The following LSAMP variants were observed in gnomAD, a reference collection of about 807,000 sequenced individuals.
The protein encoded by LSAMP is limbic system-associated membrane protein.
Under a neutral mutation model 38.6 loss-of-function variants are expected in LSAMP, and 7 were observed. The observed-to-expected ratio is 0.18, with a 90% CI of 0.10 to 0.34. The LOEUF is 0.34. Ranked by LOEUF, LSAMP falls within the 10% of genes least tolerant of loss-of-function variation. The pLI is 1.00. For synonymous variants in LSAMP, 154 were observed against 166.8 expected, an observed-to-expected ratio of 0.92 and a Z score of 0.59; for missense variants, 313 against 420.0, an observed-to-expected ratio of 0.75 and a Z score of 2.23.
chr3:116,060,674 C>A (rs147664816), intron 2 of LSAMP, among the ~76,000 whole-genome samples: 1 of 152,072 alleles, frequency 6.6e-6, no homozygotes, highest in South Asian at 2.1e-4. Context: ...GCAGGAGAAT[C>A]GCTTGAATCT....
chr3:116,273,745 T>C (rs1468330225), intron 1 of LSAMP, among the ~76,000 whole-genome samples: 1 of 127,482 alleles, frequency 7.8e-6, no homozygotes, highest in Admixed American at 7.9e-5. Flanking sequence ...TACATATGTA[T>C]ATATATATAA....
At chr3:115,916,437 G>C (rs541328813) in intron 3 of LSAMP, among the ~76,000 whole-genome samples, 1 of 152,288 alleles carries the variant, frequency 6.6e-6, no homozygotes, top group East Asian at 1.9e-4. Context: ...TCATTTAACA[G>C]ATCTTAACTG....
chr3:116,262,610 T>C (rs2046838417), intron 1 of LSAMP, among the ~76,000 whole-genome samples: 1 of 152,138 alleles, frequency 6.6e-6, no homozygotes, highest in African/African-American at 2.4e-5. Context: ...CAAGCACTTA[T>C]GGGTGTACGT....
intron 1 of LSAMP, among the ~76,000 whole-genome samples, chr3:116,274,372 A>G (rs1335282404): frequency 6.6e-6 from 1 of 152,236 alleles, no homozygotes; most frequent in African/African-American, 2.4e-5. Flanking sequence ...AAAAGAAACA[A>G]TGCTCATAAA....
At chr3:116,412,631 G>A (rs570925061) in intron 1 of LSAMP, among the ~76,000 whole-genome samples, 38 of 152,172 alleles carry the variant, frequency 2.5e-4, no homozygotes, top group African/African-American at 8.9e-4. Context: ...AGCTTGGGTC[G>A]AAGAAAGCTG....
Position 115,852,137 on chromosome 3 carries a change from G to A in LSAMP, c.649+346C>T, listed in dbSNP as rs892694294. Among the ~76,000 whole-genome samples, 8 of 152,160 alleles carry A rather than the reference G, an allele frequency of 5.3e-5. No individual in the cohort carries two copies. The East Asian group carries it at 1.5e-3, about 29-fold the overall frequency. ...TAAGATGGACATTCCAGTTAAACCA[G>A]ATACAAATTGTTGTTTTTTCTAAAG... On this transcript the variant is annotated intron_variant, in intron 4 of 6. Transcript: ENST00000490035.
chr3:116,289,938 T>G (rs989824582), intron 1 of LSAMP, among the ~76,000 whole-genome samples: 3 of 152,368 alleles, frequency 2.0e-5, no homozygotes, highest in East Asian at 3.9e-4. Flanking sequence ...CTGTATGAAC[T>G]AGTTACTTGC....
intron 4 of LSAMP, among the ~76,000 whole-genome samples, chr3:115,846,395 G>C (rs1053588696): frequency 6.6e-6 from 1 of 151,936 alleles, no homozygotes; most frequent in African/African-American, 2.4e-5. Context: ...CAGAGGACTA[G>C]GAAATAAAAT....
chr3:115,881,037 A>AAAATAAATAAAT (rs141822663), intron 3 of LSAMP, among the ~76,000 whole-genome samples: 15,672 of 142,794 alleles, frequency 0.11, 969 homozygotes, highest in South Asian at 0.15. Flanking sequence ...CTCTGTCTCA[A>AAAATAAATAAAT]AAATAAATAA....
intron 1 of LSAMP, among the ~76,000 whole-genome samples, chr3:116,357,891 C>T (rs1011144280): frequency 3.3e-5 from 5 of 149,462 alleles, no homozygotes; most frequent in African/African-American, 7.4e-5. Context: ...GACTTGTTTT[C>T]GCAAACAAAG....
chr3:116,196,845 T>C (rs1396633777), intron 1 of LSAMP, among the ~76,000 whole-genome samples: 1 of 152,186 alleles, frequency 6.6e-6, no homozygotes, highest in African/African-American at 2.4e-5. Context: ...CACTCCTTCA[T>C]TCAGGATCTC....
At chr3:116,172,745 CAAG>C (rs1280803809) in intron 1 of LSAMP, among the ~76,000 whole-genome samples, 1 of 151,756 alleles carries the variant, frequency 6.6e-6, no homozygotes, top group Non-Finnish European at 1.5e-5. Flanking sequence ...ATTCTTCTCT[CAAG>C]AAGGACTGCT....
At chr3:116,413,642 AC>A (rs2049008689) in intron 1 of LSAMP, among the ~76,000 whole-genome samples, 2 of 152,046 alleles carry the variant, frequency 1.3e-5, no homozygotes, top group South Asian at 4.1e-4. Flanking sequence ...TTTCTCATCC[AC>A]TGGTTCCTAT....
intron 1 of LSAMP, among the ~76,000 whole-genome samples, chr3:116,147,423 A>G (rs1365966295): frequency 6.6e-6 from 1 of 151,880 alleles, no homozygotes; most frequent in African/African-American, 2.4e-5. Context: ...ATATTCTCCA[A>G]TATTTTGCTA....
intron 3 of LSAMP, among the ~76,000 whole-genome samples, chr3:115,905,012 A>G (rs1936974218): frequency 6.6e-6 from 1 of 152,092 alleles, no homozygotes. Flanking sequence ...CTCCTTGAAG[A>G]ATTTGTGAGT....
intron 2 of LSAMP, among the ~76,000 whole-genome samples, chr3:116,072,808 C>CA (rs1387173027): frequency 1.4e-4 from 20 of 143,764 alleles, no homozygotes; most frequent in African/African-American, 5.1e-4. Flanking sequence ...AATATTAGAC[C>CA]TTTGTCAAAT....
intron 6 of LSAMP, among the ~76,000 whole-genome samples, chr3:115,817,014 G>T (rs2107457898): frequency 6.6e-6 from 1 of 152,276 alleles, no homozygotes; most frequent in East Asian, 1.9e-4. Context: ...CTACCATTTT[G>T]CCCTGGTTTA....
At chr3:115,961,915 A>G (rs1462039707) in intron 3 of LSAMP, among the ~76,000 whole-genome samples, 1 of 152,144 alleles carries the variant, frequency 6.6e-6, no homozygotes, top group Non-Finnish European at 1.5e-5. Flanking sequence ...GGCAGAGAAA[A>G]TATGCTTTGT....
chr3:116,172,637 A>G (rs142872646), intron 1 of LSAMP, among the ~76,000 whole-genome samples: 2,564 of 152,130 alleles, frequency 0.017, 43 homozygotes, highest in Non-Finnish European at 0.025. Flanking sequence ...AAATATAAGC[A>G]CCTAGTTTCT....
Sources: allele counts gnomAD v4.1 joint callset (sites outside exome capture counted in the v4.1 genomes callset), GRCh38; gene constraint gnomAD v4.1.1; transcripts MANE v1.5; gene names NCBI Gene and HGNC (gene_info 2026-07-23, HGNC 2026-07-21).